PTBP2: variants seen among roughly 807,000 people sequenced by gnomAD.
PTBP2 encodes the protein polypyrimidine tract-binding protein 2.
In PTBP2, 13 loss-of-function variants were observed where a neutral mutation model predicts 61.4. The ratio of observed to expected loss-of-function variants is 0.21; its 90% confidence interval spans 0.14 to 0.34. The LOEUF is 0.34. PTBP2 is among the 10% of genes least tolerant of loss of function. The pLI is 1.00. For missense variants in PTBP2, 405 were observed against 642.6 expected (o/e 0.63, Z 4.00); for synonymous variants, 215 against 218.5 (o/e 0.98, Z 0.14).
chr1:96,790,124 T>C (rs1263006245), intron 8 of PTBP2, among the ~76,000 whole-genome samples: 1 of 152,184 alleles, frequency 6.6e-6, no homozygotes, highest in South Asian at 2.1e-4. Flanking sequence ...CATTTACTTA[T>C]GAAGTGATGT....
At chr1:96,728,732 C>T (rs1433432123) in intron 2 of PTBP2, among the ~76,000 whole-genome samples, 5 of 151,160 alleles carry the variant, frequency 3.3e-5, no homozygotes, top group Non-Finnish European at 7.4e-5. Flanking sequence ...CTGGATTTGA[C>T]TTGAATCTGT....
chr1:96,746,432 T>C (rs373840432), intron 2 of PTBP2, among the ~76,000 whole-genome samples: 8 of 152,274 alleles, frequency 5.3e-5, no homozygotes, highest in African/African-American at 1.9e-4. Flanking sequence ...ACATCTTTTT[T>C]CCCCCCACAT....
chr1:96,772,864 G>A (rs1364525433), intron 5 of PTBP2, among the ~76,000 whole-genome samples: 2 of 151,770 alleles, frequency 1.3e-5, no homozygotes, highest in East Asian at 3.9e-4. Context: ...GGTAATCCCA[G>A]CACTTTGGGA....
exon 14 of PTBP2, chr1:96,820,158 T>C (rs1368661498): frequency 6.6e-6 from 1 of 152,070 alleles, no homozygotes; most frequent in Non-Finnish European, 1.5e-5. Context: ...AAGGATTATG[T>C]GAAATACTGT....
chr1:96,804,987 G>T, intron 9 of PTBP2, 48 bp downstream of exon 9: 1 of 1,416,638 alleles, frequency 7.1e-7, no homozygotes, highest in Non-Finnish European at 9.4e-7. Flanking sequence ...CATTTCATTT[G>T]TGAAAGTTTT....
At chr1:96,805,073 A>G (rs1661373224) in intron 9 of PTBP2, 134 bp downstream of exon 9, 3 of 659,190 alleles carry the variant, frequency 4.6e-6, no homozygotes, top group Non-Finnish European at 7.1e-6. Context: ...GTATGTTTCT[A>G]CTTCTGAATA....
chr1:96,777,843 C>A lies in PTBP2; in HGVS notation c.605C>A (p.Ser202Tyr). The A allele has an allele frequency of 6.4e-7, 1 of 1,564,564 alleles. No homozygotes were observed. The highest frequency in any genetic ancestry group is 2.3e-5 in the East Asian group (1 of 43,972). ...ATTTTAATGTTTTAACAGATATTTT[C>A]TAAGTTTGGTGCTGTATTGAAGATA... ...VTLDVLHQIF[S>Y]KFGAVLKIIT... Residue 202 changes from serine (S) to tyrosine (Y), a missense_variant, in exon 7 of 14, where the codon TCT becomes TAT. By Grantham distance (144) the Ser-to-Tyr change is moderately radical. Around this residue, in one of 4 missense-constraint regions of PTBP2, gnomAD observed 342 missense variants for 491.2 expected, o/e 0.70. Transcript: ENST00000674951.
intron 8 of PTBP2, among the ~76,000 whole-genome samples, chr1:96,791,467 C>A (rs1309213526): frequency 6.6e-6 from 1 of 152,052 alleles, no homozygotes; most frequent in Non-Finnish European, 1.5e-5. Flanking sequence ...TTTCTTGAAC[C>A]AGAGCTTAGA....
intron 1 of PTBP2, 62 bp from the exon 2 acceptor site, chr1:96,723,502 G>C (rs1649932065): frequency 6.9e-7 from 1 of 1,456,780 alleles, no homozygotes; most frequent in Non-Finnish European, 9.5e-7. Context: ...AAGTTTTAGA[G>C]CCAAAGAGTG....
chr1:96,763,023 C>A (rs184767336), intron 3 of PTBP2, among the ~76,000 whole-genome samples: 1 of 151,646 alleles, frequency 6.6e-6, no homozygotes, highest in African/African-American at 2.4e-5. Flanking sequence ...GATGGGATGG[C>A]GGCCGGGAAG....
intron 5 of PTBP2, among the ~76,000 whole-genome samples, chr1:96,775,792 A>T (rs1454288001): frequency 6.6e-6 from 1 of 152,156 alleles, no homozygotes; most frequent in Non-Finnish European, 1.5e-5. Context: ...AAGTCATTAA[A>T]AATGAAATCA....
At chr1:96,762,782 C>T (rs983975406) in intron 3 of PTBP2, among the ~76,000 whole-genome samples, 316 of 150,062 alleles carry the variant, frequency 2.1e-3, no homozygotes, top group Non-Finnish European at 3.4e-3. Flanking sequence ...ACTTCCCAGA[C>T]GGCGTGGCTG....
At chr1:96,728,276 T>C (rs979256129) in intron 2 of PTBP2, among the ~76,000 whole-genome samples, 1 of 152,230 alleles carries the variant, frequency 6.6e-6, no homozygotes, top group Non-Finnish European at 1.5e-5. Context: ...CATGAGCCAC[T>C]ACACTTGGCC....
At chr1:96,782,923 T>A (rs1344559027) in intron 7 of PTBP2, among the ~76,000 whole-genome samples, 2 of 152,026 alleles carry the variant, frequency 1.3e-5, no homozygotes, top group Non-Finnish European at 2.9e-5. Context: ...CCATAAACTT[T>A]AAATTTACAT....
At chr1:96,754,074 G>T (rs1570797577) in intron 3 of PTBP2, among the ~76,000 whole-genome samples, 1 of 151,978 alleles carries the variant, frequency 6.6e-6, no homozygotes. Context: ...CCTCATGTAG[G>T]CTAAATAAAA....
At chr1:96,786,797 A>G (rs1360985034) in intron 8 of PTBP2, among the ~76,000 whole-genome samples, 1 of 152,182 alleles carries the variant, frequency 6.6e-6, no homozygotes, top group Non-Finnish European at 1.5e-5. Context: ...CTCCAGCTAA[A>G]GATAAAATAC....
chr1:96,742,791 A>G (rs1653211417), intron 2 of PTBP2, among the ~76,000 whole-genome samples: 1 of 152,004 alleles, frequency 6.6e-6, no homozygotes, highest in Non-Finnish European at 1.5e-5. Context: ...ATTAATGCAA[A>G]TCTCAGATCA....
Position 96,813,635 on chromosome 1 carries a change from C to A in PTBP2, c.*230C>A. The A allele has an allele frequency of 3.0e-5, 7 of 235,668 alleles. No individual in the cohort carries two copies. The highest frequency in any genetic ancestry group is 4.4e-5 in the Non-Finnish European group (6 of 135,140). The allele number at this position is 235,668 out of a possible 1,614,324, so 14.6% of individuals were successfully genotyped here. A position where few individuals can be genotyped will look rare whatever the true frequency, so the allele number is the denominator to read the frequency against. On this transcript the variant is annotated 3_prime_UTR_variant, in exon 14 of 14. Coordinates refer to ENST00000674951, the MANE Select transcript of PTBP2 (RefSeq NM_021190.4). ...CTGTTCTATAGGGAAGCCATTTTGTCTGTTTAAAATTTCAGTTTAATTTTG... is the reference window on the plus strand; with the variant it reads ...CTGTTCTATAGGGAAGCCATTTTGTATGTTTAAAATTTCAGTTTAATTTTG...
At chr1:96,739,353 C>G (rs1462458191) in intron 2 of PTBP2, among the ~76,000 whole-genome samples, 1 of 152,034 alleles carries the variant, frequency 6.6e-6, no homozygotes, top group African/African-American at 2.4e-5. Context: ...TAAGTGTACA[C>G]TTAAATTGTT....
Sources: gnomAD v4.1 joint callset for allele counts (sites outside exome capture counted in the v4.1 genomes callset) on GRCh38, gnomAD v4.1.1 for gene constraint, gnomAD v4.1.1 regional missense constraint, MANE v1.5 for transcripts, NCBI Gene and HGNC (gene_info 2026-07-23, HGNC 2026-07-21) for gene names.